PRKCH: variants seen among roughly 807,000 people sequenced by gnomAD.
The protein encoded by PRKCH is protein kinase C eta.
Under a neutral mutation model 82.5 loss-of-function variants are expected in PRKCH, and 28 were observed. The ratio of observed to expected loss-of-function variants is 0.34; its 90% CI spans 0.25 to 0.47. PRKCH has a LOEUF of 0.47. Among genes scored for constraint, PRKCH ranks in the 20% least tolerant of loss-of-function variants. PRKCH has a pLI of 1.00. For synonymous variants in PRKCH, 322 were observed against 327.4 expected (o/e 0.98, Z 0.18); for missense variants, 705 against 881.8 (o/e 0.80, Z 2.54).
At chr14:61,494,658 A>G (rs994591141) in intron 10 of PRKCH, among the ~76,000 whole-genome samples, 1 of 152,258 alleles carries the variant, frequency 6.6e-6, no homozygotes, top group Non-Finnish European at 1.5e-5. Context: ...CCGTGTCAAT[A>G]TAAGAGGTTA....
At chr14:61,388,457 G>A (rs1436717803) in intron 1 of PRKCH, among the ~76,000 whole-genome samples, 1 of 152,202 alleles carries the variant, frequency 6.6e-6, no homozygotes, top group Non-Finnish European at 1.5e-5. Context: ...GGGGTGGAAA[G>A]GCCTTTGTGG....
intron 1 of PRKCH, among the ~76,000 whole-genome samples, chr14:61,241,048 C>A (rs1352290637): frequency 2.0e-5 from 3 of 152,208 alleles, no homozygotes; most frequent in South Asian, 2.1e-4. Context: ...ACTTCAGATG[C>A]CAGTTGCAAG....
intron 9 of PRKCH, among the ~76,000 whole-genome samples, chr14:61,475,428 G>A (rs986332661): frequency 6.6e-6 from 1 of 152,170 alleles, no homozygotes; most frequent in East Asian, 1.9e-4. Flanking sequence ...TCGACCACTA[G>A]GGGGTGCTCT....
At chr14:61,227,743 C>T (rs1048068297) in intron 1 of PRKCH, among the ~76,000 whole-genome samples, 1 of 151,774 alleles carries the variant, frequency 6.6e-6, no homozygotes, top group Admixed American at 6.6e-5. Context: ...ATGGCAAAAA[C>T]CGTGATTATT....
In PRKCH at chr14:61,529,005, T is replaced by TGTGC. The variant is rs1491304992; in HGVS notation, c.1434-69_1434-68insTGCG. On this transcript the variant is annotated intron_variant, in intron 10 of 13. Transcript: ENST00000332981. ...GTGTGTGTGTGTGTGTGTGTGTGTGTGCCCATTCTGAGAGGTGGATGGTTT... is the reference window on the plus strand; with the variant it reads ...GTGTGTGTGTGTGTGTGTGTGTGTGTGTGCGCCCATTCTGAGAGGTGGATGGTTT... 470 of 1,460,656 alleles carry TGTGC rather than the reference T, an allele frequency of 3.2e-4. 11 individuals carry two copies. In the African/African-American group the frequency reaches 6.3e-3, roughly 20 times the overall value. The allele number at this position is 1,460,656 out of a possible 1,614,324, so 90.5% of individuals were successfully genotyped here.
At chr14:61,326,937 G>A (rs1594915068) in intron 1 of PRKCH, 6 of 345,648 alleles carry the variant, frequency 1.7e-5, no homozygotes, top group South Asian at 1.1e-4. Flanking sequence ...TTCTTCTTTC[G>A]TGTACTTGCT....
rs769125334 is a variant in PRKCH, at chr14:61,530,520, C to A, written c.1686C>A (p.Leu562=). Reference sequence around the variant, plus strand: ...TTGAGGCAGAGAACGAAGATGACCTCTTTGAGGCCATACTGAATGATGAGG... The same window carrying A: ...TTGAGGCAGAGAACGAAGATGACCTATTTGAGGCCATACTGAATGATGAGG... ...APFEAENEDD[L]FEAILNDEVV... is the part of the protein sequence containing the mutation. The change falls in exon 12 of 14, where the codon CTC becomes CTA. Residue 562 remains leucine, a synonymous_variant. Coordinates refer to ENST00000332981, the MANE Select transcript of PRKCH (RefSeq NM_006255.5). The A allele has an allele frequency of 4.3e-6, 7 of 1,612,228 alleles. No homozygotes were observed. The highest frequency in any genetic ancestry group is 5.9e-6 in the Non-Finnish European group (7 of 1,179,172).
intron 1 of PRKCH, among the ~76,000 whole-genome samples, chr14:61,356,141 G>A (rs185412672): frequency 2.7e-3 from 409 of 152,326 alleles, no homozygotes; most frequent in Non-Finnish European, 2.4e-3. Flanking sequence ...GGTGAAAGAG[G>A]AAGTGGAGGG....
chr14:61,282,020 C>T (rs2045274551), intron 1 of PRKCH, among the ~76,000 whole-genome samples: 1 of 57,786 alleles, frequency 1.7e-5, no homozygotes, highest in South Asian at 7.4e-4. Flanking sequence ...AGGTTCAGAG[C>T]CTTTAAATAA....
chr14:61,247,679 T>C (rs2044897804), intron 1 of PRKCH, among the ~76,000 whole-genome samples: 1 of 125,602 alleles, frequency 8.0e-6, no homozygotes, highest in Non-Finnish European at 1.6e-5. Context: ...GAGGTTACAG[T>C]GACCCGAGAT....
chr14:61,293,622 A>G (rs1228583258), intron 1 of PRKCH, among the ~76,000 whole-genome samples: 1 of 152,230 alleles, frequency 6.6e-6, no homozygotes, highest in Non-Finnish European at 1.5e-5. Flanking sequence ...AGAGCTATTT[A>G]TTAGAAGCAA....
chr14:61,229,887 A>G (rs1327626710), intron 1 of PRKCH, among the ~76,000 whole-genome samples: 1 of 152,222 alleles, frequency 6.6e-6, no homozygotes, highest in Admixed American at 6.5e-5. Context: ...TGTCGACGGC[A>G]TGGGCTCCAT....
chr14:61,264,222 C>T (rs996371889), intron 1 of PRKCH, among the ~76,000 whole-genome samples: 10 of 152,066 alleles, frequency 6.6e-5, no homozygotes, highest in Non-Finnish European at 7.4e-5. Flanking sequence ...TTGCACAAAA[C>T]GGCTATTTAA....
chr14:61,262,385 G>A (rs2045056913), intron 1 of PRKCH, among the ~76,000 whole-genome samples: 1 of 152,124 alleles, frequency 6.6e-6, no homozygotes, highest in African/African-American at 2.4e-5. Context: ...TACACAGTAT[G>A]ATAGAGAATC....
At chr14:61,328,276 A>G (rs1566822548) in intron 1 of PRKCH, among the ~76,000 whole-genome samples, 2 of 150,804 alleles carry the variant, frequency 1.3e-5, no homozygotes, top group African/African-American at 2.4e-5. Context: ...AAAAAAAAAA[A>G]AAAAAGAAAG....
intron 1 of PRKCH, among the ~76,000 whole-genome samples, chr14:61,356,328 T>C (rs1466348857): frequency 1.3e-5 from 2 of 152,216 alleles, no homozygotes; most frequent in African/African-American, 4.8e-5. Context: ...ACCCATTTTA[T>C]CCTTGTGCTC....
chr14:61,398,106 G>A (rs894015169), intron 2 of PRKCH, among the ~76,000 whole-genome samples: 1 of 152,198 alleles, frequency 6.6e-6, no homozygotes, highest in Non-Finnish European at 1.5e-5. Flanking sequence ...TGAAAAAGCT[G>A]CCTAATGTCA....
intron 1 of PRKCH, among the ~76,000 whole-genome samples, chr14:61,310,323 T>C (rs1006414769): frequency 6.6e-6 from 1 of 152,200 alleles, no homozygotes; most frequent in African/African-American, 2.4e-5. Context: ...GTTAATTCCT[T>C]CCAAGATACA....
intron 2 of PRKCH, among the ~76,000 whole-genome samples, chr14:61,420,078 C>T (rs899650655): frequency 6.6e-6 from 1 of 152,204 alleles, no homozygotes; most frequent in Non-Finnish European, 1.5e-5. Flanking sequence ...CACCTGCAGC[C>T]TCTTTCAACC....
Sources: gnomAD v4.1 joint callset for allele counts (sites outside exome capture counted in the v4.1 genomes callset) on GRCh38, gnomAD v4.1.1 for gene constraint, MANE v1.5 for transcripts, NCBI Gene and HGNC (gene_info 2026-07-23, HGNC 2026-07-21) for gene names.